The following ZC3HC1 variants were observed in gnomAD, a reference collection of about 807,000 sequenced individuals.
ZC3HC1 encodes zinc finger C3HC-type protein 1.
Under a neutral mutation model 61.9 loss-of-function variants are expected in ZC3HC1, and 38 were observed. The observed-to-expected ratio is 0.61, with a 90% CI of 0.47 to 0.81. The LOEUF (loss-of-function observed/expected upper bound fraction) is 0.81, where lower values mean the gene tolerates loss of function less well. ZC3HC1 is among the 30% of genes least tolerant of loss of function. The probability of loss-of-function intolerance (pLI) is 0.00; values close to 1 mark genes in which losing one functional copy is unlikely to be tolerated. For missense variants in ZC3HC1, 554 were observed against 622.7 expected (o/e 0.89, Z 1.17); for synonymous variants, 213 against 229.9 (o/e 0.93, Z 0.67).
chr7:130,023,847 T>C lies in ZC3HC1; in HGVS notation c.1021-124A>G. On this transcript the variant is annotated intron_variant, in intron 7 of 9. Coordinates refer to ENST00000358303, the MANE Select transcript of ZC3HC1 (RefSeq NM_016478.5). This position sits in a 1 kb window ranked among gnomAD's most constrained non-coding sequence, Gnocchi z 4.2. ...CAGAGTCTCGCTTTGTTGCCAAGGC[T>C]GGAGAGCAGTGAGGCGATCTTGGCT... 1.1e-6 allele frequency: 1 copy of C among 899,132 alleles called. No homozygotes were observed. Among genetic ancestry groups the C allele is most frequent in the South Asian group, 1.8e-5 (1 of 54,786 alleles). 55.7% of individuals were successfully genotyped at this position (899,132 alleles called of 1,614,324 possible). A position where few individuals can be genotyped will look rare whatever the true frequency, so the allele number is the denominator to read the frequency against.
chr7:130,039,240 A>C (rs1794548716), intron 4 of ZC3HC1: 1 of 523,994 alleles, frequency 1.9e-6, no homozygotes. Flanking sequence ...GCAACTCTGG[A>C]GGCTGAGGCA....
intron 4 of ZC3HC1, 195 bp downstream of exon 4, chr7:130,039,269 G>A (rs948464340): frequency 3.7e-5 from 21 of 561,626 alleles, no homozygotes; most frequent in African/African-American, 1.7e-4. Context: ...GCTTGAACGC[G>A]GGAGGCGAAG....
In ZC3HC1 at chr7:130,018,619, A is replaced by G. The variant is rs1217325270; in HGVS notation, c.*45T>C. The G allele has an allele frequency of 1.1e-5, 17 of 1,547,802 alleles. No homozygotes were observed. In the East Asian group the frequency reaches 3.9e-4, roughly 35 times the overall value. On this transcript the variant is annotated 3_prime_UTR_variant, in exon 10 of 10. Coordinates refer to ENST00000358303, the MANE Select transcript of ZC3HC1 (RefSeq NM_016478.5). ...GGAACTCAGCCTTAATTTTTCAAAA[A>G]GTCACTCTCATTCCAGCTATCTCCA... is the stretch of plus-strand genomic sequence containing the variant.
At chr7:130,022,120 G>A (rs1295622762) in intron 9 of ZC3HC1, among the ~76,000 whole-genome samples, 199 bp downstream of exon 9, 1 of 152,154 alleles carries the variant, frequency 6.6e-6, no homozygotes, top group African/African-American at 2.4e-5. Flanking sequence ...GCAGTGAGCT[G>A]AGATCGTGCC....
intron 2 of ZC3HC1, chr7:130,043,835 T>C (rs1432207128): frequency 8.8e-6 from 4 of 455,782 alleles, no homozygotes; most frequent in Non-Finnish European, 1.8e-5. Flanking sequence ...GATGGCAGCA[T>C]GGCAGAAATG....
At chr7:130,026,420 AAAC>A in intron 5 of ZC3HC1, 108 bp from the exon 6 acceptor site, 1 of 1,155,536 alleles carries the variant, frequency 8.7e-7, no homozygotes, top group Non-Finnish European at 1.2e-6. Context: ...AGGAAATTAC[AAAC>A]ATGAAGATAC....
At chr7:130,049,440 C>T (rs1420068212) in intron 1 of ZC3HC1, among the ~76,000 whole-genome samples, 1 of 152,180 alleles carries the variant, frequency 6.6e-6, no homozygotes, top group Admixed American at 6.6e-5. Context: ...CTATTCTCCT[C>T]ACTCACTCAC....
At chr7:130,031,359 C>T (rs1006516267) in intron 4 of ZC3HC1, among the ~76,000 whole-genome samples, 1 of 151,570 alleles carries the variant, frequency 6.6e-6, no homozygotes, top group African/African-American at 2.4e-5. Flanking sequence ...ACCAACATCC[C>T]CACAATCATG....
chr7:130,033,244 G>A (rs1467456794), intron 4 of ZC3HC1, among the ~76,000 whole-genome samples: 1 of 152,068 alleles, frequency 6.6e-6, no homozygotes, highest in African/African-American at 2.4e-5. Flanking sequence ...ATATTGTCCA[G>A]GCTGGTCTTG....
At chr7:130,020,528 C>G (rs1793593675) in intron 9 of ZC3HC1, among the ~76,000 whole-genome samples, 1 of 152,020 alleles carries the variant, frequency 6.6e-6, no homozygotes, top group Non-Finnish European at 1.5e-5. Flanking sequence ...TCCCAAAGTG[C>G]TGGGATCACA....
Position 130,044,502 on chromosome 7 carries a change from G to T in ZC3HC1, c.259-3401C>A, listed in dbSNP as rs150533097. 7.2e-4 allele frequency among the ~76,000 whole-genome samples: 110 copies of T among 152,204 alleles called. 3 individuals are homozygous for T. The East Asian group carries it at 0.018, about 25-fold the overall frequency. Reference sequence around the variant, plus strand: ...AAGGCCACAGAAGCCAACCTGAGGGGGATGTCACTGACTAAATAAGGAACA... The same window carrying T: ...AAGGCCACAGAAGCCAACCTGAGGGTGATGTCACTGACTAAATAAGGAACA... On this transcript the variant is annotated intron_variant, in intron 2 of 9. Coordinates refer to ENST00000358303, the MANE Select transcript of ZC3HC1 (RefSeq NM_016478.5).
In ZC3HC1 at chr7:130,040,984, C is replaced by T; in HGVS notation, c.376G>A (p.Ala126Thr). 6.2e-7 allele frequency: 1 copy of T among 1,612,780 alleles called. No homozygotes were observed. The highest frequency in any genetic ancestry group is 8.5e-7 in the Non-Finnish European group (1 of 1,179,710). Reference sequence around the variant, plus strand: ...AAGTCAAAAGCTGGTTGTAAACTGGCACAGAGAAAAGCTTGACAGCTAGAG... The same window carrying T: ...AAGTCAAAAGCTGGTTGTAAACTGGTACAGAGAAAAGCTTGACAGCTAGAG... ...KCSSCQAFLCASLQPAFDFDR... is the reference protein window; with the variant it reads ...KCSSCQAFLCTSLQPAFDFDR... Residue 126 changes from alanine to threonine, a missense_variant, in exon 3 of 10, where the codon GCC becomes ACC. Transcript: ENST00000358303.
At chr7:130,038,496 A>G (rs1431380072) in intron 4 of ZC3HC1, among the ~76,000 whole-genome samples, 2 of 152,132 alleles carry the variant, frequency 1.3e-5, no homozygotes, top group Non-Finnish European at 2.9e-5. Context: ...TTGAAATCAG[A>G]TTAAACTTAG....
chr7:130,039,279 G>A (rs1281621558), intron 4 of ZC3HC1, 185 bp downstream of exon 4: 5 of 584,528 alleles, frequency 8.6e-6, no homozygotes, highest in African/African-American at 7.5e-5. Context: ...GGGAGGCGAA[G>A]GTTGCAGTGA....
chr7:130,026,030 C>T (rs1158091078), intron 6 of ZC3HC1, 128 bp downstream of exon 6: 1 of 1,095,206 alleles, frequency 9.1e-7, no homozygotes, highest in African/African-American at 1.6e-5. Flanking sequence ...ATCCCCCACC[C>T]AGTTTTTCTT....
At chr7:130,019,564 C>T (rs1439327915) in intron 9 of ZC3HC1, among the ~76,000 whole-genome samples, 2 of 152,102 alleles carry the variant, frequency 1.3e-5, no homozygotes, top group African/African-American at 2.4e-5. Context: ...TAGGAAGAAT[C>T]GCAGTGCCAT....
intron 2 of ZC3HC1, among the ~76,000 whole-genome samples, chr7:130,046,318 A>G (rs894402883): frequency 1.3e-5 from 2 of 152,084 alleles, no homozygotes; most frequent in South Asian, 2.1e-4. Context: ...AAAGTTGAAG[A>G]AAAAAAGGCC....
chr7:130,023,210 C>T lies in ZC3HC1; in HGVS notation c.1233+301G>A, dbSNP rs746734981. 68 of 377,800 alleles carry T rather than the reference C, an allele frequency of 1.8e-4. No individual in the cohort carries two copies. The highest frequency in any genetic ancestry group is 1.3e-3 in the East Asian group (26 of 20,442). 23.4% of individuals were successfully genotyped at this position (377,800 alleles called of 1,614,324 possible). A position where few individuals can be genotyped will look rare whatever the true frequency, so the allele number is the denominator to read the frequency against. On this transcript the variant is annotated intron_variant, in intron 8 of 9. Transcript: ENST00000358303. This position sits in a 1 kb window ranked among gnomAD's most constrained non-coding sequence, Gnocchi z 4.2. ...GTGGAAAAATGGTCTTCCATGAAAA[C>T]GGTCCCTGGTGCCAAAAAGGTTGGG...
chr7:130,046,190 CAG>C lies in ZC3HC1; in HGVS notation c.258+2841_258+2842del, dbSNP rs34983946. Among the ~76,000 whole-genome samples, 48 of 152,250 alleles carry C rather than the reference CAG, an allele frequency of 3.2e-4. No individual in the cohort carries two copies. The East Asian group carries it at 4.8e-3, about 15-fold the overall frequency. ...GGAAAGCATCAGGAGGAATAGCTAA[CAG>C]ATGCTGGGCTTAATACCTAGGCAAT... On this transcript the variant is annotated intron_variant, in intron 2 of 9. Coordinates refer to ENST00000358303, the MANE Select transcript of ZC3HC1 (RefSeq NM_016478.5).
Sources: gnomAD v4.1 joint callset for allele counts (sites outside exome capture counted in the v4.1 genomes callset) on GRCh38, gnomAD v4.1.1 for gene constraint, Gnocchi (gnomAD v3.1) non-coding constraint, MANE v1.5 for transcripts, NCBI Gene and HGNC (gene_info 2026-07-23, HGNC 2026-07-21) for gene names.